Variants in WSCD2 observed in about 807,000 individuals in gnomAD.
The protein encoded by WSCD2 is WSC domain sialate O sulfotransferase 2.
WSCD2 carries 28 observed loss-of-function variants against 55.7 expected under a neutral mutation model. The observed-to-expected ratio is 0.50, with a 90% CI of 0.37 to 0.69. The LOEUF (loss-of-function observed/expected upper bound fraction) is 0.69. Among genes scored for constraint, WSCD2 ranks in the 30% least tolerant of loss-of-function variants. The pLI, the probability that WSCD2 is intolerant of heterozygous loss-of-function variation, is 0.00. For synonymous variants in WSCD2, 301 were observed against 301.9 expected (o/e 1.00, Z 0.03); for missense variants, 616 against 762.1 (o/e 0.81, Z 2.26).
chr12:108,243,149 C>T (rs1889877636), intron 8 of WSCD2, among the ~76,000 whole-genome samples: 1 of 152,248 alleles, frequency 6.6e-6, no homozygotes, highest in Admixed American at 6.5e-5. Flanking sequence ...CATCAGCATC[C>T]CTTGGGAGCT....
At chr12:108,217,396 G>C (rs1886967442) in intron 4 of WSCD2, among the ~76,000 whole-genome samples, 1 of 152,216 alleles carries the variant, frequency 6.6e-6, no homozygotes, top group African/African-American at 2.4e-5. Flanking sequence ...ACCCACTGAA[G>C]GGGAGGGCCA....
intron 7 of WSCD2, 62 bp downstream of exon 7, chr12:108,232,957 G>A (rs1888931414): frequency 1.9e-6 from 3 of 1,578,740 alleles, no homozygotes; most frequent in South Asian, 1.2e-5. Flanking sequence ...GTCCCCACTT[G>A]GAGGGTATGG....
chr12:108,167,345 C>T (rs2136958306), intron 1 of WSCD2: 1 of 152,250 alleles, frequency 6.6e-6, no homozygotes, highest in African/African-American at 2.4e-5. Flanking sequence ...GCCTCTTGGA[C>T]TCATGATCAT....
At chr12:108,223,906 C>T (rs978428915) in intron 4 of WSCD2, among the ~76,000 whole-genome samples, 1 of 152,156 alleles carries the variant, frequency 6.6e-6, no homozygotes, top group Non-Finnish European at 1.5e-5. Context: ...TGATCCCTGC[C>T]GTGAGACCAG....
At position 108,248,656 on chromosome 12, in the gene WSCD2, A is replaced by AG; in HGVS notation, c.*316dup. 4.5e-6 allele frequency: 5 copies of AG among 1,102,714 alleles called. No individual in the cohort carries two copies. The highest frequency in any genetic ancestry group is 4.1e-4 in the Middle Eastern group (1 of 2,448). 68.3% of individuals were successfully genotyped at this position (1,102,714 alleles called of 1,614,324 possible). ...CACCACTCTGGGTTCCATTTGTGGG[A>AG]GGGAGGGCTCATCCACATCATGGAG... On this transcript the variant is annotated 3_prime_UTR_variant, in exon 9 of 9. Transcript: ENST00000547525. The surrounding 1 kb of genome is among the most constrained non-coding windows in gnomAD (Gnocchi z 4.3).
chr12:108,155,023 G>C lies in WSCD2; in HGVS notation c.-552+25097G>C, dbSNP rs564492105. 5.3e-5 allele frequency among the ~76,000 whole-genome samples: 8 copies of C among 152,310 alleles called. No homozygotes were observed. The South Asian group carries it at 8.3e-4, about 16-fold the overall frequency. On this transcript the variant is annotated intron_variant, in intron 1 of 8. Transcript: ENST00000547525. Reference sequence around the variant, plus strand: ...CCTGCAGCTACGGGGTAATGTTGTGGAAAGGATTCTGAAAGAGGAGTGAAG... The same window carrying C: ...CCTGCAGCTACGGGGTAATGTTGTGCAAAGGATTCTGAAAGAGGAGTGAAG...
At position 108,240,228 on chromosome 12, in the gene WSCD2, C is replaced by G. The variant is rs187281668; in HGVS notation, c.1145-116C>G. The G allele has an allele frequency of 3.8e-6, 5 of 1,314,232 alleles. No homozygotes were observed. The African/African-American group carries it at 5.8e-5, about 15-fold the overall frequency. The allele number at this position is 1,314,232 out of a possible 1,614,324, so 81.4% of individuals were successfully genotyped here. A position where few individuals can be genotyped will look rare whatever the true frequency, so the allele number is the denominator to read the frequency against. ...ACATAGTAGGTGCTCAATAAATACG[C>G]GAATGACTGAGTGAACAAATGCATG... On this transcript the variant is annotated intron_variant, in intron 7 of 8. Coordinates refer to ENST00000547525, the MANE Select transcript of WSCD2 (RefSeq NM_014653.4).
intron 2 of WSCD2, among the ~76,000 whole-genome samples, chr12:108,200,076 G>C (rs1884464131): frequency 6.6e-6 from 1 of 152,206 alleles, no homozygotes; most frequent in African/African-American, 2.4e-5. Flanking sequence ...CAAAGGTTGT[G>C]CTGCTTCTAT....
rs1344549424 is a variant in WSCD2 at position 108,129,845 on chromosome 12, G to A, written c.-633G>A. The A allele has an allele frequency of 6.6e-6, 1 of 152,270 alleles. No individual in the cohort carries two copies. Among genetic ancestry groups the A allele is most frequent in the Admixed American group, 6.5e-5 (1 of 15,292 alleles). The allele number at this position is 152,270 out of a possible 1,614,324, so 9.4% of individuals were successfully genotyped here. Reference sequence around the variant, plus strand: ...CGCCCACAGAGCGGGCGCGCCAAGCGGGACGCGGGAGTCGCAGAGAGGGAC... The same window carrying A: ...CGCCCACAGAGCGGGCGCGCCAAGCAGGACGCGGGAGTCGCAGAGAGGGAC... On this transcript the variant is annotated 5_prime_UTR_variant, in exon 1 of 9. Coordinates refer to ENST00000547525, the MANE Select transcript of WSCD2 (RefSeq NM_014653.4).
At chr12:108,190,745 A>G (rs1015262375) in intron 1 of WSCD2, among the ~76,000 whole-genome samples, 5 of 152,062 alleles carry the variant, frequency 3.3e-5, no homozygotes, top group African/African-American at 1.2e-4. Context: ...CACTCCCACA[A>G]AGGGGGCCTC....
chr12:108,173,503 C>G (rs1308399111), intron 1 of WSCD2, among the ~76,000 whole-genome samples: 1 of 140,544 alleles, frequency 7.1e-6, no homozygotes. Context: ...CTGCCTTCAT[C>G]CTATCCCTTG....
At chr12:108,227,552 A>G (rs1888246310) in intron 6 of WSCD2, among the ~76,000 whole-genome samples, 2 of 152,346 alleles carry the variant, frequency 1.3e-5, no homozygotes. Flanking sequence ...GTTGGCCTCC[A>G]GTGTTCCTTC....
At chr12:108,132,040 G>A (rs1444628722) in intron 1 of WSCD2, among the ~76,000 whole-genome samples, 1 of 152,078 alleles carries the variant, frequency 6.6e-6, no homozygotes, top group Non-Finnish European at 1.5e-5. Context: ...ACAGCATTGT[G>A]TGTGTGTGTG....
At chr12:108,208,509 T>C (rs1400830401) in intron 3 of WSCD2, among the ~76,000 whole-genome samples, 2 of 152,048 alleles carry the variant, frequency 1.3e-5, no homozygotes, top group African/African-American at 2.4e-5. Flanking sequence ...AGTGAGACCA[T>C]AAGCTGGGTT....
chr12:108,135,815 C>T (rs998915936), intron 1 of WSCD2, among the ~76,000 whole-genome samples: 1 of 151,910 alleles, frequency 6.6e-6, no homozygotes, highest in Non-Finnish European at 1.5e-5. Flanking sequence ...GGCCCACTGC[C>T]TGTTTTTGTA....
intron 2 of WSCD2, among the ~76,000 whole-genome samples, chr12:108,200,733 G>A (rs189979607): frequency 7.5e-4 from 112 of 149,846 alleles, no homozygotes; most frequent in African/African-American, 2.6e-3. Flanking sequence ...AGTTTTGGGG[G>A]ACCCCAAAGG....
chr12:108,233,021 T>G, intron 7 of WSCD2, 126 bp downstream of exon 7: 1 of 1,284,354 alleles, frequency 7.8e-7, no homozygotes, highest in Non-Finnish European at 1.1e-6. Context: ...CCAGGCACAC[T>G]TTTTGAGACT....
Position 108,247,978 on chromosome 12 carries a change from C to G in WSCD2, c.1346-13C>G. The G allele has an allele frequency of 6.2e-7, 1 of 1,605,050 alleles. No homozygotes were observed. The highest frequency in any genetic ancestry group is 8.5e-7 in the Non-Finnish European group (1 of 1,173,514). ...TCCTCCCTCTGACTGTGTCCTTTCT[C>G]CTCTCTCTGCAGAGTGGCCAGAGTT... On this transcript the variant is annotated splice_polypyrimidine_tract_variant and intron_variant, in intron 8 of 8. Coordinates refer to ENST00000547525, the MANE Select transcript of WSCD2 (RefSeq NM_014653.4).
intron 1 of WSCD2, among the ~76,000 whole-genome samples, chr12:108,136,127 G>C (rs780512799): frequency 2.0e-5 from 3 of 152,212 alleles, no homozygotes; most frequent in Non-Finnish European, 4.4e-5. Flanking sequence ...CATCTGAAGG[G>C]TCAGAAGAGG....
Sources: gnomAD v4.1 joint callset for allele counts (sites outside exome capture counted in the v4.1 genomes callset) on GRCh38, gnomAD v4.1.1 for gene constraint, Gnocchi (gnomAD v3.1) non-coding constraint, MANE v1.5 for transcripts, NCBI Gene and HGNC (gene_info 2026-07-23, HGNC 2026-07-21) for gene names.